KCND3: variants seen among roughly 807,000 people sequenced by gnomAD.
The protein encoded by KCND3 is potassium voltage-gated channel subfamily D member 3.
A neutral mutation model predicts 51.1 loss-of-function variants in KCND3; 9 were observed. That is an observed-to-expected ratio of 0.18 (90% CI 0.11 to 0.31). The LOEUF is 0.31. Ranked by LOEUF, KCND3 falls within the 10% of genes least tolerant of loss-of-function variation. The pLI, the probability that KCND3 is intolerant of heterozygous loss-of-function variation, is 1.00. For missense variants in KCND3, 526 were observed against 903.8 expected, an observed-to-expected ratio of 0.58 and a Z score of 5.36; for synonymous variants, 349 against 368.0, an observed-to-expected ratio of 0.95 and a Z score of 0.59.
chr1:111,788,341 G>T (rs550963447), intron 2 of KCND3, among the ~76,000 whole-genome samples: 1 of 152,350 alleles, frequency 6.6e-6, no homozygotes, highest in East Asian at 1.9e-4. Context: ...ACCAGGAATT[G>T]TTTCTGCTAA....
At chr1:111,817,870 A>G (rs1439095277) in intron 2 of KCND3, among the ~76,000 whole-genome samples, 1 of 152,218 alleles carries the variant, frequency 6.6e-6, no homozygotes, top group East Asian at 1.9e-4. Flanking sequence ...TTGGACTTAA[A>G]TAGTGAAGAG....
Position 111,981,203 on chromosome 1 carries a change from T to G in KCND3, c.1106+418A>C, listed in dbSNP as rs542029179. Among the ~76,000 whole-genome samples, 1 of 152,034 alleles carries G rather than the reference T, an allele frequency of 6.6e-6. No homozygotes were observed. Among genetic ancestry groups the G allele is most frequent in the Non-Finnish European group, 1.5e-5 (1 of 68,010 alleles). ...GAGTGCTCTTGGTGTCTTCTGGTAATGGACATCTGAACCCTCCGAACTTCT... is the reference window on the plus strand; with the variant it reads ...GAGTGCTCTTGGTGTCTTCTGGTAAGGGACATCTGAACCCTCCGAACTTCT... On this transcript the variant is annotated intron_variant, in intron 2 of 7. Coordinates refer to ENST00000302127, the MANE Select transcript of KCND3 (RefSeq NM_001378969.1). This position sits in a 1 kb window ranked among gnomAD's most constrained non-coding sequence, Gnocchi z 6.2.
chr1:111,919,524 G>T (rs1017243021), intron 2 of KCND3, among the ~76,000 whole-genome samples: 11 of 152,232 alleles, frequency 7.2e-5, no homozygotes, highest in African/African-American at 2.6e-4. Flanking sequence ...AGCCCTGAGG[G>T]CAAGGGGGCA....
chr1:111,840,193 C>A (rs1474824489), intron 2 of KCND3, among the ~76,000 whole-genome samples: 2 of 152,082 alleles, frequency 1.3e-5, no homozygotes, highest in African/African-American at 4.8e-5. Flanking sequence ...TAATCACTTC[C>A]TAGAGGCCCC....
At chr1:111,891,044 G>A (rs11102354) in intron 2 of KCND3, among the ~76,000 whole-genome samples, 41,675 of 152,034 alleles carry the variant, frequency 0.27, 6,039 homozygotes, top group East Asian at 0.47. Flanking sequence ...CACAGGTCTG[G>A]GCACCAGCCT....
At chr1:111,922,592 T>A (rs1011734655) in intron 2 of KCND3, among the ~76,000 whole-genome samples, 3 of 152,192 alleles carry the variant, frequency 2.0e-5, no homozygotes, top group Non-Finnish European at 4.4e-5. Flanking sequence ...CTCTTTTAAG[T>A]GGGGATAATA....
At chr1:111,808,271 C>T (rs1427881803) in intron 2 of KCND3, among the ~76,000 whole-genome samples, 1 of 152,190 alleles carries the variant, frequency 6.6e-6, no homozygotes, top group Admixed American at 6.5e-5. Context: ...TTCTGATTCA[C>T]TTGGCCTGAC....
chr1:111,836,337 T>C (rs910208095), intron 2 of KCND3, among the ~76,000 whole-genome samples: 2 of 152,188 alleles, frequency 1.3e-5, no homozygotes, highest in Admixed American at 1.3e-4. Flanking sequence ...TGGCAATGAC[T>C]CCCCGTCTCT....
At chr1:111,889,353 C>T (rs2101757762) in intron 2 of KCND3, among the ~76,000 whole-genome samples, 1 of 152,342 alleles carries the variant, frequency 6.6e-6, no homozygotes, top group African/African-American at 2.4e-5. Flanking sequence ...CCTGCAATGC[C>T]TTCACCCAGA....
chr1:111,804,394 C>T (rs568414025), intron 2 of KCND3, among the ~76,000 whole-genome samples: 1 of 152,256 alleles, frequency 6.6e-6, no homozygotes, highest in African/African-American at 2.4e-5. Context: ...TGCGACTGCA[C>T]GCATTTTATG....
At chr1:111,833,362 G>A (rs763499582) in intron 2 of KCND3, among the ~76,000 whole-genome samples, 5 of 152,310 alleles carry the variant, frequency 3.3e-5, no homozygotes, top group South Asian at 2.1e-4. Flanking sequence ...TCGTTTTATC[G>A]GTATCCAATA....
At chr1:111,856,993 C>T (rs1312532074) in intron 2 of KCND3, 1 of 152,244 alleles carries the variant, frequency 6.6e-6, no homozygotes, top group Non-Finnish European at 1.5e-5. Context: ...ACCTTTGACA[C>T]ACTGTCTTTC....
intron 2 of KCND3, among the ~76,000 whole-genome samples, chr1:111,867,978 C>T (rs1668653173): frequency 6.6e-6 from 1 of 152,136 alleles, no homozygotes; most frequent in African/African-American, 2.4e-5. Context: ...GGGAATAATC[C>T]TAACATCTAC....
At chr1:111,851,984 C>G (rs1241254288) in intron 2 of KCND3, among the ~76,000 whole-genome samples, 1 of 152,246 alleles carries the variant, frequency 6.6e-6, no homozygotes, top group African/African-American at 2.4e-5. Flanking sequence ...CCAGGAGTAC[C>G]TGACCCATCA....
At position 111,851,315 on chromosome 1, in the gene KCND3, A is replaced by T. The variant is rs553861952; in HGVS notation, c.1107-64209T>A. On this transcript the variant is annotated intron_variant, in intron 2 of 7. Coordinates refer to ENST00000302127, the MANE Select transcript of KCND3 (RefSeq NM_001378969.1). ...TAAGCACCTTCATATCATCTAACAC[A>T]TGTGGTAGGTGCTTGATAAATGCTT... is the stretch of plus-strand genomic sequence containing the variant. Among the ~76,000 whole-genome samples, 9 of 152,306 alleles carry T rather than the reference A, an allele frequency of 5.9e-5. No individual in the cohort carries two copies. The South Asian group carries it at 1.9e-3, about 32-fold the overall frequency.
In KCND3 at chr1:111,858,842, G is replaced by T. The variant is rs542182213; in HGVS notation, c.1107-71736C>A. Among the ~76,000 whole-genome samples, 14 of 152,266 alleles carry T rather than the reference G, an allele frequency of 9.2e-5. No homozygotes were observed. In the South Asian group the frequency reaches 2.9e-3, roughly 32 times the overall value. On this transcript the variant is annotated intron_variant, in intron 2 of 7. Coordinates refer to ENST00000302127, the MANE Select transcript of KCND3 (RefSeq NM_001378969.1). ...CCAGTTCTGCTCTAGACACTCCCCT[G>T]CCCCCAGGCTGGTCCTGGATCAAAT...
chr1:111,967,081 A>G (rs1217808001), intron 2 of KCND3, among the ~76,000 whole-genome samples: 1 of 149,668 alleles, frequency 6.7e-6, no homozygotes, highest in Non-Finnish European at 1.5e-5. Flanking sequence ...CAGAGATTGC[A>G]GTGAGCCGAG....
intron 2 of KCND3, among the ~76,000 whole-genome samples, chr1:111,938,261 T>C (rs1672316515): frequency 6.6e-6 from 1 of 152,204 alleles, no homozygotes; most frequent in Non-Finnish European, 1.5e-5. Flanking sequence ...TAGAGTATGT[T>C]GGTTTGTTCA....
intron 2 of KCND3, among the ~76,000 whole-genome samples, chr1:111,827,494 A>G (rs1412313374): frequency 3.3e-5 from 5 of 152,202 alleles, no homozygotes; most frequent in Admixed American, 6.5e-5. Context: ...CCTCCATCGC[A>G]AGTTAAGCAC....
Sources: allele counts gnomAD v4.1 joint callset (sites outside exome capture counted in the v4.1 genomes callset), GRCh38; gene constraint gnomAD v4.1.1; non-coding constraint Gnocchi (gnomAD v3.1); transcripts MANE v1.5; gene names NCBI Gene and HGNC (gene_info 2026-07-23, HGNC 2026-07-21).